Variants in CNTN5 observed in about 807,000 individuals in gnomAD.
The protein encoded by CNTN5 is contactin 5, also known as contactin-5.
A neutral mutation model predicts 129.1 loss-of-function variants in CNTN5; 77 were observed. The ratio of observed to expected loss-of-function variants is 0.60; its 90% CI spans 0.50 to 0.72. The LOEUF (loss-of-function observed/expected upper bound fraction) is 0.72, where lower values mean the gene tolerates loss of function less well. Among genes scored for constraint, CNTN5 ranks in the 30% least tolerant of loss-of-function variants. The probability of loss-of-function intolerance (pLI) is 0.00; values close to 1 mark genes in which losing one functional copy is unlikely to be tolerated. For missense variants in CNTN5, 1,478 were observed against 1,328.8 expected, an observed-to-expected ratio of 1.11 and a Z score of -1.75; for synonymous variants, 509 against 465.6, an observed-to-expected ratio of 1.09 and a Z score of -1.20.
At chr11:99,408,380 A>AAAGAAAGAAAGAAAG (rs1555137697) in intron 2 of CNTN5, among the ~76,000 whole-genome samples, 1 of 134,010 alleles carries the variant, frequency 7.5e-6, no homozygotes, top group African/African-American at 2.9e-5. Context: ...AAAAAAAAAA[A>AAAGAAAGAAAGAAAG]AAAGAAAGAA....
chr11:99,220,489 T>G (rs1488506735), intron 1 of CNTN5, among the ~76,000 whole-genome samples: 1 of 151,938 alleles, frequency 6.6e-6, no homozygotes, highest in African/African-American at 2.4e-5. Context: ...TGCATGATAC[T>G]CCTTGCCTGA....
At chr11:99,163,811 A>G (rs1860736125) in intron 1 of CNTN5, among the ~76,000 whole-genome samples, 1 of 152,186 alleles carries the variant, frequency 6.6e-6, no homozygotes, top group African/African-American at 2.4e-5. Context: ...CTTTGTTCCC[A>G]TGCAGAGATT....
intron 6 of CNTN5, among the ~76,000 whole-genome samples, chr11:99,865,202 A>G (rs1386340954): frequency 1.3e-5 from 2 of 152,122 alleles, no homozygotes; most frequent in Non-Finnish European, 2.9e-5. Flanking sequence ...ATAGCATCAT[A>G]CCTTGTTATA....
intron 1 of CNTN5, among the ~76,000 whole-genome samples, chr11:99,175,875 G>A (rs1017811817): frequency 1.3e-5 from 2 of 151,704 alleles, no homozygotes; most frequent in Admixed American, 6.6e-5. Flanking sequence ...AAACATGATG[G>A]GTATATTACA....
chr11:99,374,453 G>T lies in CNTN5; in HGVS notation c.-71+48969G>T, dbSNP rs569184049. Among the ~76,000 whole-genome samples, 41 of 152,238 alleles carry T rather than the reference G, an allele frequency of 2.7e-4. No individual in the cohort carries two copies. The East Asian group carries it at 7.9e-3, about 29-fold the overall frequency. On this transcript the variant is annotated intron_variant, in intron 2 of 24. Coordinates refer to ENST00000524871, the MANE Select transcript of CNTN5 (RefSeq NM_014361.4). ...AAAATGTAAGATTTGGGAGGCCAAGGCCGGCGGATCACGAGGTCAGGAGAT... is the reference window on the plus strand; with the variant it reads ...AAAATGTAAGATTTGGGAGGCCAAGTCCGGCGGATCACGAGGTCAGGAGAT...
At chr11:100,244,987 A>G (rs1368634427) in intron 16 of CNTN5, among the ~76,000 whole-genome samples, 1 of 152,200 alleles carries the variant, frequency 6.6e-6, no homozygotes, top group African/African-American at 2.4e-5. Context: ...TTTATCAACT[A>G]AAGGATTTCT....
In CNTN5 at chr11:99,772,441, G is replaced by A. The variant is rs143944253; in HGVS notation, c.56-47103G>A. Among the ~76,000 whole-genome samples the A allele has an allele frequency of 3.0e-3, 461 of 152,172 alleles. 4 individuals carry two copies. Among genetic ancestry groups the A allele is most frequent in the African/African-American group, 0.011 (444 of 41,540 alleles). On this transcript the variant is annotated intron_variant, in intron 3 of 24. Transcript: ENST00000524871. ...TTTGTTACTCATGTTACAACAAGGT[G>A]TCTTGGATTTGCTCCTGACATATTC...
intron 2 of CNTN5, among the ~76,000 whole-genome samples, chr11:99,436,077 C>T (rs893424705): frequency 2.0e-5 from 3 of 152,062 alleles, no homozygotes; most frequent in Admixed American, 6.6e-5. Context: ...CATATTACAA[C>T]GCTACCAAAG....
In CNTN5 at chr11:99,433,321, G is replaced by GA. The variant is rs1435034913; in HGVS notation, c.-71+107843dup. On this transcript the variant is annotated intron_variant, in intron 2 of 24. Coordinates refer to ENST00000524871, the MANE Select transcript of CNTN5 (RefSeq NM_014361.4). ...ACTGACTGATTTCAGAGAGAACAGA[G>GA]AAAAAACTGTAATCATAATTTTCCT... Among the ~76,000 whole-genome samples the GA allele has an allele frequency of 3.4e-5, 5 of 145,886 alleles. 1 individual carries two copies. Among genetic ancestry groups the GA allele is most frequent in the South Asian group, 4.5e-4 (2 of 4,468 alleles).
intron 1 of CNTN5, among the ~76,000 whole-genome samples, chr11:99,182,248 G>A (rs1201741561): frequency 1.3e-5 from 2 of 152,084 alleles, no homozygotes; most frequent in African/African-American, 4.8e-5. Flanking sequence ...ATTTGATATG[G>A]CAAAGTATAC....
chr11:99,448,806 C>G (rs1464672036), intron 2 of CNTN5, among the ~76,000 whole-genome samples: 1 of 131,858 alleles, frequency 7.6e-6, no homozygotes, highest in Non-Finnish European at 1.6e-5. Flanking sequence ...GAGACAGGGT[C>G]ATCTTTTGTT....
At chr11:99,425,262 C>T (rs758820271) in intron 2 of CNTN5, among the ~76,000 whole-genome samples, 22 of 152,202 alleles carry the variant, frequency 1.4e-4, no homozygotes, top group Non-Finnish European at 7.3e-5. Context: ...CACTCCAGGC[C>T]AGGGACTTCA....
intron 10 of CNTN5, 41 bp from the exon 11 acceptor site, chr11:100,070,383 A>G (rs1943872776): frequency 6.4e-7 from 1 of 1,568,414 alleles, no homozygotes; most frequent in South Asian, 1.2e-5. Flanking sequence ...AAAGCGTTTG[A>G]GAAATGAAAT....
chr11:99,920,038 G>T (rs1372025666), intron 7 of CNTN5, among the ~76,000 whole-genome samples: 3 of 152,046 alleles, frequency 2.0e-5, no homozygotes, highest in Non-Finnish European at 4.4e-5. Flanking sequence ...TTACTGGGCA[G>T]AATCTGAGAT....
At chr11:100,226,773 G>A (rs993109259) in intron 16 of CNTN5, among the ~76,000 whole-genome samples, 10 of 152,028 alleles carry the variant, frequency 6.6e-5, no homozygotes, top group Non-Finnish European at 1.5e-4. Flanking sequence ...AAAAAATTTT[G>A]TAAGTTTACA....
At chr11:99,160,240 C>T (rs1363245297) in intron 1 of CNTN5, among the ~76,000 whole-genome samples, 1 of 152,082 alleles carries the variant, frequency 6.6e-6, no homozygotes, top group Non-Finnish European at 1.5e-5. Flanking sequence ...CAGTCTTAGA[C>T]TGTTGATAAT....
At chr11:99,357,789 C>T (rs903536664) in intron 2 of CNTN5, among the ~76,000 whole-genome samples, 1 of 151,740 alleles carries the variant, frequency 6.6e-6, no homozygotes, top group South Asian at 2.1e-4. Context: ...ATTTCACTTC[C>T]GCTCCTGCCC....
chr11:99,648,661 C>T (rs1419555792), intron 3 of CNTN5, among the ~76,000 whole-genome samples: 2 of 151,664 alleles, frequency 1.3e-5, no homozygotes, highest in African/African-American at 4.8e-5. Flanking sequence ...GGAATCAACC[C>T]AAATGTCCAA....
At chr11:99,339,640 G>A (rs921936696) in intron 2 of CNTN5, among the ~76,000 whole-genome samples, 1 of 152,072 alleles carries the variant, frequency 6.6e-6, no homozygotes, top group African/African-American at 2.4e-5. Flanking sequence ...AAATTAGCCG[G>A]GTGTGGTGGC....
Sources: gnomAD v4.1 joint callset for allele counts (sites outside exome capture counted in the v4.1 genomes callset) on GRCh38, gnomAD v4.1.1 for gene constraint, MANE v1.5 for transcripts, NCBI Gene and HGNC (gene_info 2026-07-23, HGNC 2026-07-21) for gene names.